The following SEMA6D variants were observed in gnomAD, a reference collection of about 807,000 sequenced individuals.
SEMA6D encodes semaphorin 6D.
A neutral mutation model predicts 106.6 loss-of-function variants in SEMA6D; 35 were observed. The ratio of observed to expected loss-of-function variants is 0.33; its 90% confidence interval spans 0.25 to 0.44. SEMA6D has a LOEUF of 0.44. Ranked by LOEUF, SEMA6D falls within the 20% of genes least tolerant of loss-of-function variation. The pLI, the probability that SEMA6D is intolerant of heterozygous loss-of-function variation, is 1.00. For synonymous variants in SEMA6D, 499 were observed against 487.7 expected (o/e 1.02, Z -0.31); for missense variants, 1,185 against 1,345.9 (o/e 0.88, Z 1.87).
intron 4 of SEMA6D, among the ~76,000 whole-genome samples, chr15:47,618,038 G>A (rs1464030502): frequency 6.6e-6 from 1 of 152,168 alleles, no homozygotes; most frequent in African/African-American, 2.4e-5. Context: ...GAACACAGAA[G>A]ACAGTTCAGA....
At chr15:47,314,140 G>A (rs1044031080) in intron 1 of SEMA6D, among the ~76,000 whole-genome samples, 1 of 152,084 alleles carries the variant, frequency 6.6e-6, no homozygotes, top group African/African-American at 2.4e-5. Context: ...ATTCTAATAG[G>A]TGTGTAGTGT....
At chr15:47,665,454 G>T (rs2078007972) in intron 4 of SEMA6D, among the ~76,000 whole-genome samples, 1 of 152,026 alleles carries the variant, frequency 6.6e-6, no homozygotes, top group Admixed American at 6.6e-5. Context: ...AAATAATAAG[G>T]TCATGGTTAG....
intron 3 of SEMA6D, among the ~76,000 whole-genome samples, chr15:47,594,954 A>C (rs1160620226): frequency 6.6e-6 from 1 of 152,110 alleles, no homozygotes. Flanking sequence ...GCACATGTTA[A>C]GGCATGGAGG....
At chr15:47,690,701 G>T (rs2078567550) in intron 4 of SEMA6D, among the ~76,000 whole-genome samples, 1 of 152,116 alleles carries the variant, frequency 6.6e-6, no homozygotes, top group Non-Finnish European at 1.5e-5. Flanking sequence ...CAACTTACAC[G>T]CAAGCTTGTG....
chr15:47,292,830 T>G (rs1215318482), intron 1 of SEMA6D, among the ~76,000 whole-genome samples: 3 of 152,142 alleles, frequency 2.0e-5, no homozygotes, highest in Non-Finnish European at 2.9e-5. Flanking sequence ...TTTGATCACT[T>G]TTTCATTGCA....
intron 3 of SEMA6D, among the ~76,000 whole-genome samples, chr15:47,482,169 G>A (rs1246521127): frequency 1.3e-5 from 2 of 152,094 alleles, no homozygotes; most frequent in Non-Finnish European, 2.9e-5. Flanking sequence ...GATATATTTT[G>A]ACATAATGAC....
chr15:47,203,113 T>A (rs1216938741), intron 1 of SEMA6D, among the ~76,000 whole-genome samples: 1 of 152,154 alleles, frequency 6.6e-6, no homozygotes, highest in African/African-American at 2.4e-5. Flanking sequence ...TTGAACTGAC[T>A]CAGTTGATAC....
chr15:47,348,420 G>A (rs1181446258), intron 1 of SEMA6D, among the ~76,000 whole-genome samples: 1 of 152,076 alleles, frequency 6.6e-6, no homozygotes, highest in East Asian at 1.9e-4. Context: ...CATAAGTACT[G>A]CATATGTCGG....
At chr15:47,562,848 T>C (rs2046119397) in intron 3 of SEMA6D, among the ~76,000 whole-genome samples, 1 of 152,052 alleles carries the variant, frequency 6.6e-6, no homozygotes, top group Non-Finnish European at 1.5e-5. Context: ...CTAAGAGAAA[T>C]ATTAAAACAT....
intron 4 of SEMA6D, among the ~76,000 whole-genome samples, chr15:47,615,336 A>G (rs1442424187): frequency 2.6e-5 from 4 of 152,212 alleles, no homozygotes; most frequent in South Asian, 2.1e-4. Context: ...GCCATATTAT[A>G]TAAGCAACTT....
rs1293329647 is a variant in SEMA6D at position 47,613,327 on chromosome 15, C to T, written c.-55+12431C>T. ...TTCAGCACTGTTTTAATGAATATTTCGTGCATTCCTCATCAAATATTTATT... is the reference window on the plus strand; with the variant it reads ...TTCAGCACTGTTTTAATGAATATTTTGTGCATTCCTCATCAAATATTTATT... On this transcript the variant is annotated intron_variant, in intron 4 of 19. Transcript: ENST00000558014. Among the ~76,000 whole-genome samples, 6 of 152,130 alleles carry T rather than the reference C, an allele frequency of 3.9e-5. No homozygotes were observed. The East Asian group carries it at 7.7e-4, about 20-fold the overall frequency.
At chr15:47,231,341 C>T (rs1351225323) in intron 1 of SEMA6D, among the ~76,000 whole-genome samples, 4 of 151,908 alleles carry the variant, frequency 2.6e-5, no homozygotes, top group Admixed American at 2.6e-4. Context: ...TTTTCATATC[C>T]ACCTTCTTGA....
intron 3 of SEMA6D, among the ~76,000 whole-genome samples, chr15:47,566,777 C>T (rs557337132): frequency 8.5e-5 from 13 of 152,294 alleles, no homozygotes; most frequent in East Asian, 1.9e-4. Context: ...AATGAGCTAA[C>T]GGATGGAAAG....
At chr15:47,233,037 A>G (rs1251770574) in intron 1 of SEMA6D, among the ~76,000 whole-genome samples, 1 of 152,036 alleles carries the variant, frequency 6.6e-6, no homozygotes, top group Non-Finnish European at 1.5e-5. Context: ...ATAAATATTT[A>G]TACCTGAATT....
intron 1 of SEMA6D, among the ~76,000 whole-genome samples, chr15:47,245,896 G>A (rs2033167720): frequency 6.6e-6 from 1 of 152,138 alleles, no homozygotes; most frequent in Non-Finnish European, 1.5e-5. Context: ...TGTGAGTGGA[G>A]AGGATAAGGA....
At chr15:47,761,277 C>G (rs1191414985) in intron 5 of SEMA6D, 53 bp from the exon 6 acceptor site, 6 of 1,609,166 alleles carry the variant, frequency 3.7e-6, no homozygotes, top group Non-Finnish European at 5.1e-6. Flanking sequence ...CTTGATACCA[C>G]AGTGCCAGCA....
chr15:47,544,198 A>G (rs1422498442), intron 3 of SEMA6D, among the ~76,000 whole-genome samples: 1 of 152,196 alleles, frequency 6.6e-6, no homozygotes, highest in African/African-American at 2.4e-5. Flanking sequence ...AGACTTTCCT[A>G]TGGTGGATCA....
At chr15:47,238,062 C>T (rs1430973224) in intron 1 of SEMA6D, among the ~76,000 whole-genome samples, 1 of 152,082 alleles carries the variant, frequency 6.6e-6, no homozygotes, top group Admixed American at 6.6e-5. Context: ...AGTATTCTGA[C>T]AGTAGCTAGA....
chr15:47,525,469 G>A (rs1463612632), intron 3 of SEMA6D: 1 of 152,058 alleles, frequency 6.6e-6, no homozygotes, highest in Non-Finnish European at 1.5e-5. Flanking sequence ...CTACCACCTG[G>A]GTAAGAAGTC....
Sources: gnomAD v4.1 joint callset for allele counts (sites outside exome capture counted in the v4.1 genomes callset) on GRCh38, gnomAD v4.1.1 for gene constraint, MANE v1.5 for transcripts, NCBI Gene and HGNC (gene_info 2026-07-23, HGNC 2026-07-21) for gene names.